ECPAS: variants seen among roughly 807,000 people sequenced by gnomAD.
ECPAS encodes the protein Ecm29 proteasome adaptor and scaffold, also known as proteasome adapter and scaffold protein ECM29.
In ECPAS, 70 loss-of-function variants were observed where a neutral mutation model predicts 255.1. The observed-to-expected ratio is 0.27, with a 90% CI of 0.23 to 0.33. ECPAS has a LOEUF of 0.33. ECPAS is among the 10% of genes least tolerant of loss of function. ECPAS has a pLI of 1.00. For missense variants in ECPAS, 1,817 were observed against 2,206.4 expected, an observed-to-expected ratio of 0.82 and a Z score of 3.54; for synonymous variants, 784 against 775.0, an observed-to-expected ratio of 1.01 and a Z score of -0.19.
At chr9:111,479,808 G>A (rs1344233885) in intron 1 of ECPAS, among the ~76,000 whole-genome samples, 5 of 151,894 alleles carry the variant, frequency 3.3e-5, no homozygotes, top group East Asian at 1.9e-4. Context: ...GTGAAACCTC[G>A]TCTCTACTAA....
At chr9:111,470,216 G>A (rs1238668695) in intron 2 of ECPAS, among the ~76,000 whole-genome samples, 1 of 152,094 alleles carries the variant, frequency 6.6e-6, no homozygotes, top group Non-Finnish European at 1.5e-5. Flanking sequence ...TCCCCCAAGG[G>A]CCCAGGCAGA....
chr9:111,368,936 G>A (rs1251632408), intron 46 of ECPAS, 99 bp downstream of exon 46: 24 of 1,187,120 alleles, frequency 2.0e-5, no homozygotes, highest in Non-Finnish European at 2.5e-5. Flanking sequence ...AATCAGGCTC[G>A]ATAAGAAACA....
chr9:111,448,375 T>G (rs1564552622), intron 3 of ECPAS, among the ~76,000 whole-genome samples: 1 of 151,896 alleles, frequency 6.6e-6, no homozygotes, highest in African/African-American at 2.4e-5. Flanking sequence ...TAATTTTGGA[T>G]AAAACAGGTT....
chr9:111,462,495 G>A (rs1454755905), intron 2 of ECPAS, among the ~76,000 whole-genome samples: 4 of 151,784 alleles, frequency 2.6e-5, no homozygotes, highest in African/African-American at 9.7e-5. Flanking sequence ...TATGGGATAG[G>A]GTATGTAAAA....
chr9:111,455,560 T>C (rs1459095956), intron 2 of ECPAS, among the ~76,000 whole-genome samples: 1 of 152,242 alleles, frequency 6.6e-6, no homozygotes, highest in African/African-American at 2.4e-5. Context: ...AACCTGGATT[T>C]CAGCAGGGTT....
chr9:111,375,186 T>C lies in ECPAS; in HGVS notation c.4037A>G (p.Asp1346Gly), dbSNP rs2131527346. ...AACTAGCTCGCCCAGCACTGACACA[T>C]CAAGGTATTGCAGGCACTTTTGAAA... ...ETINMCLQYL[D>G]VSVLGELVPR... Residue 1346 changes from aspartate (D) to glycine (G), a missense_variant, in exon 38 of 50, where the codon GAT (aspartate) becomes GGT (glycine). Coordinates refer to ENST00000684092, the MANE Select transcript of ECPAS (RefSeq NM_001364929.1). 6.2e-7 allele frequency: 1 copy of C among 1,613,598 alleles called. No individual in the cohort carries two copies. The highest frequency in any genetic ancestry group is 8.5e-7 in the Non-Finnish European group (1 of 1,179,648).
At chr9:111,430,496 G>A (rs1350067961) in intron 9 of ECPAS, 51 bp downstream of exon 9, 1 of 1,120,674 alleles carries the variant, frequency 8.9e-7, no homozygotes, top group Non-Finnish European at 1.3e-6. Context: ...CGCAGTTCAT[G>A]TCAACAAACT....
intron 45 of ECPAS, 86 bp from the exon 46 acceptor site, chr9:111,369,259 A>G (rs914732): frequency 0.024 from 23,991 of 989,502 alleles, 1,111 homozygotes; most frequent in African/African-American, 0.15. Flanking sequence ...GTACCAACCA[A>G]GGCAGGAGAT....
intron 29 of ECPAS, among the ~76,000 whole-genome samples, chr9:111,391,344 G>A (rs1362202065): frequency 3.3e-5 from 5 of 152,140 alleles, no homozygotes; most frequent in Non-Finnish European, 7.4e-5. Context: ...TTGGGAGGCC[G>A]AGGTGGGTGG....
chr9:111,459,229 C>T (rs1341963218), intron 2 of ECPAS, among the ~76,000 whole-genome samples: 4 of 151,358 alleles, frequency 2.6e-5, no homozygotes, highest in Admixed American at 6.6e-5. Context: ...TCCCCTTAAG[C>T]TCAGTGGCAA....
chr9:111,423,936 C>G (rs549862275), intron 12 of ECPAS, among the ~76,000 whole-genome samples: 3 of 152,312 alleles, frequency 2.0e-5, no homozygotes, highest in East Asian at 1.9e-4. Flanking sequence ...AATGGCTACT[C>G]TTATGGATTC....
intron 4 of ECPAS, among the ~76,000 whole-genome samples, chr9:111,442,812 C>T (rs1212116591): frequency 6.6e-6 from 1 of 152,162 alleles, no homozygotes; most frequent in East Asian, 1.9e-4. Context: ...GTTGACAAAT[C>T]CTAGGCTGCC....
At chr9:111,418,064 T>C (rs1356297187) in intron 16 of ECPAS, 58 bp from the exon 17 acceptor site, 1 of 1,475,742 alleles carries the variant, frequency 6.8e-7, no homozygotes, top group Non-Finnish European at 9.0e-7. Context: ...GAAATGATCA[T>C]TTGAAGAATA....
Position 111,437,082 on chromosome 9 carries a change from C to T in ECPAS, c.566G>A (p.Arg189His), listed in dbSNP as rs373457392. 6 of 1,607,346 alleles carry T rather than the reference C, an allele frequency of 3.7e-6. No individual in the cohort carries two copies. Among genetic ancestry groups the T allele is most frequent in the African/African-American group, 2.7e-5 (2 of 74,492 alleles). The stretch of plus-strand genomic sequence containing the variant: ...ACCCTGTGCTGAAGATGAATTTTGG[C>T]GACTCTGGGATTCATTTAACACGTA... ...YGYVLNESQS[R>H]QNSSSAQGSS... The change falls in exon 7 of 50, where the codon CGC (arginine) becomes CAC (histidine). Residue 189 changes from arginine (R) to histidine (H), a missense_variant. Transcript: ENST00000684092.
chr9:111,402,068 G>C (rs1412796985), intron 24 of ECPAS, among the ~76,000 whole-genome samples: 2 of 152,224 alleles, frequency 1.3e-5, no homozygotes, highest in Non-Finnish European at 1.5e-5. Flanking sequence ...TAAGAGGATT[G>C]ATTGAGGAAG....
rs781606858 is a variant in ECPAS at position 111,484,183 on chromosome 9, G to T, written c.-150C>A. 2.0e-6 allele frequency: 3 copies of T among 1,484,184 alleles called. No homozygotes were observed. The highest frequency in any genetic ancestry group is 1.8e-6 in the Non-Finnish European group (2 of 1,119,720). The allele number at this position is 1,484,184 out of a possible 1,614,324, so 91.9% of individuals were successfully genotyped here. A position where few individuals can be genotyped will look rare whatever the true frequency, so the allele number is the denominator to read the frequency against. On this transcript the variant is annotated 5_prime_UTR_variant, in exon 1 of 50. Transcript: ENST00000684092. Reference sequence around the variant, plus strand: ...CGCCGCGAGGTGAGGGCTGTAGAGCGAGGCGTTCGGCGGGCCGGGCCCCGG... The same window carrying T: ...CGCCGCGAGGTGAGGGCTGTAGAGCTAGGCGTTCGGCGGGCCGGGCCCCGG...
intron 1 of ECPAS, among the ~76,000 whole-genome samples, chr9:111,478,612 T>C (rs1212600077): frequency 6.6e-6 from 1 of 152,230 alleles, no homozygotes; most frequent in Non-Finnish European, 1.5e-5. Flanking sequence ...CAAAGTGTGG[T>C]AGCAGATATA....
intron 2 of ECPAS, among the ~76,000 whole-genome samples, chr9:111,453,623 A>G (rs1589219274): frequency 6.6e-6 from 1 of 152,206 alleles, no homozygotes; most frequent in Non-Finnish European, 1.5e-5. Flanking sequence ...GTCAAATACT[A>G]TCTTAGTCCA....
intron 21 of ECPAS, chr9:111,411,566 A>C (rs1342872884): frequency 5.7e-6 from 1 of 175,400 alleles, no homozygotes; most frequent in African/African-American, 2.4e-5. Context: ...CAAAACCTCC[A>C]AACACAAGGT....
Sources: allele counts gnomAD v4.1 joint callset (sites outside exome capture counted in the v4.1 genomes callset), GRCh38; gene constraint gnomAD v4.1.1; transcripts MANE v1.5; gene names NCBI Gene and HGNC (gene_info 2026-07-23, HGNC 2026-07-21).